SLC47A2: variants seen among roughly 807,000 people sequenced by gnomAD.
SLC47A2 encodes multidrug and toxin extrusion protein 2.
Under a neutral mutation model 67.7 loss-of-function variants are expected in SLC47A2, and 52 were observed. That is an observed-to-expected ratio of 0.77 (90% confidence interval 0.61 to 0.97). SLC47A2 has a LOEUF of 0.97. SLC47A2 is among the 50% of genes least tolerant of loss of function. The pLI, the probability that SLC47A2 is intolerant of heterozygous loss-of-function variation, is 0.00. For missense variants in SLC47A2, 676 were observed against 712.3 expected (o/e 0.95, Z 0.58); for synonymous variants, 278 against 292.9 (o/e 0.95, Z 0.52).
upstream of SLC47A2, chr17:19,716,739 G>T: frequency 1.1e-6 from 1 of 889,848 alleles, no homozygotes; most frequent in Non-Finnish European, 1.6e-6. Flanking sequence ...CTGAGTCCCT[G>T]CTGCCAAGCC....
rs1278209178 is a variant in SLC47A2, at chr17:19,685,382, C to A, written c.1165-3712G>T. Reference sequence around the variant, plus strand: ...AGGCGCGCCTCTGCCTGGCTGCCACCACGTCTAGGAAGTGAGGAGCGTCTC... The same window carrying A: ...AGGCGCGCCTCTGCCTGGCTGCCACAACGTCTAGGAAGTGAGGAGCGTCTC... On this transcript the variant is annotated intron_variant, in intron 13 of 16. Transcript: ENST00000433844. This position sits in a 1 kb window ranked among gnomAD's most constrained non-coding sequence, Gnocchi z 4.5. 6.6e-6 allele frequency among the ~76,000 whole-genome samples: 1 copy of A among 151,516 alleles called. No homozygotes were observed. The highest frequency in any genetic ancestry group is 1.5e-5 in the Non-Finnish European group (1 of 67,858).
rs148039766 is a variant in SLC47A2, at chr17:19,713,885, G to T, written c.383C>A (p.Ala128Glu). 2.0e-5 allele frequency: 33 copies of T among 1,613,826 alleles called. No individual in the cohort carries two copies. In the African/African-American group the frequency reaches 2.5e-4, roughly 12 times the overall value. ...VLLLCCLPCW[A>E]LFLNTQHILL... ...GATGTGCTGGGTGTTGAGGAAGAGC[G>T]CCCAGCAAGGGAGGCAGCAGAGGAG... Residue 128 changes from alanine (A) to glutamate (E), a missense_variant, in exon 4 of 17, where the codon GCG (alanine) becomes GAG (glutamate). Ala to Glu is a moderately radical substitution (Grantham distance 107, BLOSUM62 -1). Coordinates refer to ENST00000433844, the MANE Select transcript of SLC47A2 (RefSeq NM_001099646.3).
At chr17:19,695,914 G>A (rs569618645) in intron 13 of SLC47A2, among the ~76,000 whole-genome samples, 128 of 151,586 alleles carry the variant, frequency 8.4e-4, no homozygotes, top group Non-Finnish European at 1.6e-3. Flanking sequence ...AGTAGAGATG[G>A]GGGTTTCACC....
At position 19,714,659 on chromosome 17, in the gene SLC47A2, G is replaced by C. The variant is rs528297847; in HGVS notation, c.294+62C>G. ...GCCCCTCCCACCTGCCATCTCCATGGCACCTGTGGAATTGGCTCTGCCCTT... is the reference window on the plus strand; with the variant it reads ...GCCCCTCCCACCTGCCATCTCCATGCCACCTGTGGAATTGGCTCTGCCCTT... On this transcript the variant is annotated intron_variant, in intron 3 of 16. Transcript: ENST00000433844. The C allele has an allele frequency of 4.4e-6, 7 of 1,593,440 alleles. No homozygotes were observed. In the Admixed American group the frequency reaches 8.3e-5, roughly 19 times the overall value.
At chr17:19,706,516 G>A (rs2085939364) in intron 9 of SLC47A2, 132 bp downstream of exon 9, 1 of 685,572 alleles carries the variant, frequency 1.5e-6, no homozygotes, top group Admixed American at 3.3e-5. Flanking sequence ...CAGTGAAGCT[G>A]GAAGGGGGCT....
At chr17:19,693,202 A>G (rs2085582187) in intron 13 of SLC47A2, among the ~76,000 whole-genome samples, 1 of 152,164 alleles carries the variant, frequency 6.6e-6, no homozygotes, top group East Asian at 1.9e-4. Flanking sequence ...ACAGCATATT[A>G]ATAAAGAACA....
chr17:19,715,321 G>T, intron 1 of SLC47A2, 104 bp from the exon 2 acceptor site: 1 of 992,124 alleles, frequency 1.0e-6, no homozygotes, highest in Non-Finnish European at 1.5e-6. Flanking sequence ...CCAGTGCCCC[G>T]AGAGGTCACC....
chr17:19,700,735 A>C (rs1265894629), intron 13 of SLC47A2, among the ~76,000 whole-genome samples: 1 of 149,978 alleles, frequency 6.7e-6, no homozygotes, highest in Non-Finnish European at 1.5e-5. Flanking sequence ...ACTGCACTCC[A>C]GCCTGGGTGA....
chr17:19,680,309 C>CTCTA (rs1343967454), intron 15 of SLC47A2, among the ~76,000 whole-genome samples: 9 of 151,936 alleles, frequency 5.9e-5, no homozygotes, highest in Non-Finnish European at 1.0e-4. Context: ...GAAACCCTGT[C>CTCTA]TCTACCAAAA....
intron 5 of SLC47A2, among the ~76,000 whole-genome samples, chr17:19,709,945 C>T (rs114344257): frequency 0.014 from 2,205 of 152,154 alleles, 54 homozygotes; most frequent in African/African-American, 0.05. Context: ...AGGGGGTTTC[C>T]GTAAACCAGA....
intron 1 of SLC47A2, 112 bp from the exon 2 acceptor site, chr17:19,715,329 AC>A: frequency 1.1e-6 from 1 of 888,516 alleles, no homozygotes; most frequent in East Asian, 2.7e-5. Flanking sequence ...CCGAGAGGTC[AC>A]CTACGCCTGG....
intron 13 of SLC47A2, chr17:19,692,238 A>G (rs1294607026): frequency 2.4e-6 from 1 of 421,628 alleles, no homozygotes; most frequent in Non-Finnish European, 4.6e-6. Context: ...AAAAAAAAAA[A>G]AAAGAAAAAG....
intron 16 of SLC47A2, 95 bp downstream of exon 16, chr17:19,679,857 A>G (rs1213520515): frequency 2.4e-6 from 3 of 1,254,716 alleles, no homozygotes; most frequent in Admixed American, 2.5e-5. Context: ...GGCTTGTACA[A>G]TTTCCAATTG....
chr17:19,712,632 A>G (rs2086131224), intron 5 of SLC47A2, 71 bp downstream of exon 5: 9 of 1,513,084 alleles, frequency 5.9e-6, no homozygotes, highest in South Asian at 1.2e-5. Flanking sequence ...TCCGCAGCAG[A>G]TAGAGTGGGA....
intron 13 of SLC47A2, among the ~76,000 whole-genome samples, chr17:19,690,009 A>G (rs1364522500): frequency 1.3e-5 from 2 of 152,176 alleles, no homozygotes; most frequent in African/African-American, 4.8e-5. Flanking sequence ...GACATTACCT[A>G]ACTTCAAATT....
Position 19,685,042 on chromosome 17 carries a change from C to T in SLC47A2, c.1165-3372G>A, listed in dbSNP as rs9902636. On this transcript the variant is annotated intron_variant, in intron 13 of 16. Coordinates refer to ENST00000433844, the MANE Select transcript of SLC47A2 (RefSeq NM_001099646.3). The surrounding 1 kb of genome is among the most constrained non-coding windows in gnomAD (Gnocchi z 4.5). Reference sequence around the variant, plus strand: ...TGTATTTTTGGTGGAGATGGGGTTTCGCCGTGTTGACCGGGCTGGCCTCCA... The same window carrying T: ...TGTATTTTTGGTGGAGATGGGGTTTTGCCGTGTTGACCGGGCTGGCCTCCA... Among the ~76,000 whole-genome samples the T allele has an allele frequency of 0.28, 42,460 of 151,998 alleles. 6,406 individuals carry two copies. The highest frequency in any genetic ancestry group is 0.52 in the East Asian group (2,684 of 5,142).
chr17:19,698,582 C>T (rs928953917), intron 13 of SLC47A2, among the ~76,000 whole-genome samples: 3 of 152,134 alleles, frequency 2.0e-5, no homozygotes, highest in Non-Finnish European at 4.4e-5. Context: ...AACTCCTGAC[C>T]TCAAGTGAGG....
At chr17:19,705,563 G>T in intron 9 of SLC47A2, 60 bp from the exon 10 acceptor site, 1 of 1,510,738 alleles carries the variant, frequency 6.6e-7, no homozygotes, top group Non-Finnish European at 8.9e-7. Context: ...ACCCTGCGCC[G>T]ACAGGACGCT....
intron 12 of SLC47A2, 119 bp from the exon 13 acceptor site, chr17:19,702,793 C>T: frequency 4.3e-6 from 5 of 1,162,358 alleles, no homozygotes; most frequent in Non-Finnish European, 6.2e-6. Context: ...GTAGTTGCCC[C>T]ACACAAATGT....
Sources: gnomAD v4.1 joint callset for allele counts (sites outside exome capture counted in the v4.1 genomes callset) on GRCh38, gnomAD v4.1.1 for gene constraint, Gnocchi (gnomAD v3.1) non-coding constraint, MANE v1.5 for transcripts, NCBI Gene and HGNC (gene_info 2026-07-23, HGNC 2026-07-21) for gene names.